Variants in DDR2 observed in about 807,000 individuals in gnomAD.
DDR2 encodes the protein discoidin domain-containing receptor 2.
Under a neutral mutation model 94.9 loss-of-function variants are expected in DDR2, and 27 were observed. That is an observed-to-expected ratio of 0.28 (90% confidence interval 0.21 to 0.39). The LOEUF (loss-of-function observed/expected upper bound fraction) is 0.39, where lower values mean the gene tolerates loss of function less well. Among genes scored for constraint, DDR2 ranks in the 10% least tolerant of loss-of-function variants. DDR2 has a pLI of 1.00. For missense variants in DDR2, 783 were observed against 1,076.0 expected (o/e 0.73, Z 3.81); for synonymous variants, 382 against 377.2 (o/e 1.01, Z -0.15).
chr1:162,723,867 G>A (rs1661532846), intron 3 of DDR2, among the ~76,000 whole-genome samples: 1 of 152,156 alleles, frequency 6.6e-6, no homozygotes, highest in Non-Finnish European at 1.5e-5. Flanking sequence ...TCCCCCTTTG[G>A]TATCCAGAAT....
intron 16 of DDR2, chr1:162,778,155 A>C (rs1342662641): frequency 6.9e-6 from 2 of 289,484 alleles, no homozygotes; most frequent in Admixed American, 9.6e-5. Context: ...TCTATCTTTC[A>C]ACACTGTGAT....
intron 3 of DDR2, among the ~76,000 whole-genome samples, chr1:162,743,085 A>G (rs1350926919): frequency 1.3e-5 from 2 of 152,156 alleles, no homozygotes; most frequent in Non-Finnish European, 2.9e-5. Flanking sequence ...TCCTGTGGGT[A>G]TATGGCCATG....
At chr1:162,695,695 T>A (rs2101984650) in intron 2 of DDR2, among the ~76,000 whole-genome samples, 1 of 152,344 alleles carries the variant, frequency 6.6e-6, no homozygotes, top group South Asian at 2.1e-4. Flanking sequence ...AAAATTATTT[T>A]AACAGGATTA....
At chr1:162,710,624 C>G (rs1274573480) in intron 2 of DDR2, among the ~76,000 whole-genome samples, 1 of 152,122 alleles carries the variant, frequency 6.6e-6, no homozygotes, top group Non-Finnish European at 1.5e-5. Flanking sequence ...GAAAATGACT[C>G]AGCAGAGAGG....
rs11320844 is a variant in DDR2 at position 162,644,602 on chromosome 1, CTT to C, written c.-191-10596_-191-10595del. Among the ~76,000 whole-genome samples, 616 of 140,340 alleles carry C rather than the reference CTT, an allele frequency of 4.4e-3. 4 individuals are homozygous for C. The highest frequency in any genetic ancestry group is 0.017 in the South Asian group (73 of 4,318). 92.1% of individuals were successfully genotyped at this position (140,340 alleles called of 152,430 possible). On this transcript the variant is annotated intron_variant, in intron 1 of 17. Coordinates refer to ENST00000367921, the MANE Select transcript of DDR2 (RefSeq NM_006182.4). ...AGATATCTAGATCCACATTATTTACCTTTTTTTTTTTTTTGAGACAGAGTCTC... is the reference window on the plus strand; with the variant it reads ...AGATATCTAGATCCACATTATTTACCTTTTTTTTTTTTGAGACAGAGTCTC...
intron 2 of DDR2, among the ~76,000 whole-genome samples, chr1:162,717,445 C>T (rs1392988385): frequency 2.6e-5 from 4 of 152,134 alleles, no homozygotes; most frequent in Non-Finnish European, 4.4e-5. Context: ...TAACATAGTA[C>T]ATTTGTCAAA....
intron 3 of DDR2, among the ~76,000 whole-genome samples, chr1:162,727,287 T>A (rs541874912): frequency 7.2e-6 from 1 of 139,514 alleles, no homozygotes; most frequent in African/African-American, 2.6e-5. Context: ...TATAAATATA[T>A]ATATAAAATA....
rs1660358516 is a variant in DDR2, at chr1:162,699,984, ATG to A, written c.-27-19052_-27-19051del. 9.2e-5 allele frequency among the ~76,000 whole-genome samples: 14 copies of A among 152,302 alleles called. 1 individual carries two copies. In the South Asian group the frequency reaches 2.9e-3, roughly 32 times the overall value. On this transcript the variant is annotated intron_variant, in intron 2 of 17. Coordinates refer to ENST00000367921, the MANE Select transcript of DDR2 (RefSeq NM_006182.4). ...CAATTTGTTAGGAAATGGATTTCCC[ATG>A]CATGCCCTAACTATAATCATAAGCA...
intron 2 of DDR2, among the ~76,000 whole-genome samples, chr1:162,658,767 T>C (rs567032809): frequency 3.3e-4 from 50 of 151,000 alleles, no homozygotes; most frequent in African/African-American, 1.1e-3. Context: ...GGTTGAGGCA[T>C]GGTAAGCCCT....
At chr1:162,646,851 T>C (rs989265493) in intron 1 of DDR2, among the ~76,000 whole-genome samples, 51 of 152,300 alleles carry the variant, frequency 3.3e-4, no homozygotes, top group African/African-American at 1.2e-3. Context: ...TAAAACAACC[T>C]CCCTCAGGTG....
At chr1:162,752,351 A>C (rs1029823574) in intron 3 of DDR2, among the ~76,000 whole-genome samples, 3 of 151,994 alleles carry the variant, frequency 2.0e-5, no homozygotes, top group South Asian at 2.1e-4. Flanking sequence ...TCCTGGACAC[A>C]CTCTCATGCC....
At chr1:162,715,943 A>G (rs1256615684) in intron 2 of DDR2, among the ~76,000 whole-genome samples, 1 of 152,198 alleles carries the variant, frequency 6.6e-6, no homozygotes, top group African/African-American at 2.4e-5. Context: ...TTCAAAAAGT[A>G]AATTAGTCAA....
Position 162,772,130 on chromosome 1 carries a change from A to C in DDR2, c.1611A>C (p.Thr537=). Residue 537 remains threonine, a synonymous_variant, in exon 13 of 18, where the codon ACA becomes ACC. Coordinates refer to ENST00000367921, the MANE Select transcript of DDR2 (RefSeq NM_006182.4). ...VNLQGVTGGN[T]YSVPAVTMDL... ...TCCAAGGAGTGACAGGAGGCAACACATACTCAGTGCCTGCCGTCACCATGG... is the reference window on the plus strand; with the variant it reads ...TCCAAGGAGTGACAGGAGGCAACACCTACTCAGTGCCTGCCGTCACCATGG... The C allele has an allele frequency of 1.2e-6, 2 of 1,614,188 alleles. No individual in the cohort carries two copies. The highest frequency in any genetic ancestry group is 1.7e-6 in the Non-Finnish European group (2 of 1,180,024).
intron 3 of DDR2, among the ~76,000 whole-genome samples, chr1:162,745,133 T>C (rs779608920): frequency 4.6e-5 from 7 of 152,250 alleles, no homozygotes; most frequent in Non-Finnish European, 1.0e-4. Context: ...CATTTGTATG[T>C]CTTCTTTGAA....
intron 9 of DDR2, 121 bp downstream of exon 9, chr1:162,761,575 T>C (rs987651280): frequency 2.0e-6 from 3 of 1,490,862 alleles, no homozygotes; most frequent in Non-Finnish European, 2.8e-6. Context: ...CAGCTTCTCA[T>C]TGACGGATAC....
chr1:162,772,293 G>A (rs752175331), intron 13 of DDR2, 46 bp downstream of exon 13: 6 of 1,586,740 alleles, frequency 3.8e-6, no homozygotes. Context: ...AAGGTGGTTG[G>A]ATAAAAATGA....
At chr1:162,759,695 A>G in intron 7 of DDR2, 101 bp from the exon 8 acceptor site, 1 of 1,372,342 alleles carries the variant, frequency 7.3e-7, no homozygotes, top group South Asian at 1.2e-5. Flanking sequence ...ATAAGCTCAT[A>G]CAAAATCTGG....
Position 162,781,185 on chromosome 1 carries a change from A to G in DDR2, c.*939A>G, listed in dbSNP as rs1319791580. ...GATGTTTTGATATCTTGATGTTTTG[A>G]TGGTAGACTCTTGAGTTCATCTTGT... On this transcript the variant is annotated 3_prime_UTR_variant, in exon 18 of 18. Transcript: ENST00000367921. 5 of 152,094 alleles carry G rather than the reference A, an allele frequency of 3.3e-5. No homozygotes were observed. The highest frequency in any genetic ancestry group is 5.9e-5 in the Non-Finnish European group (4 of 68,018). 9.4% of individuals were successfully genotyped at this position (152,094 alleles called of 1,614,324 possible).
intron 3 of DDR2, among the ~76,000 whole-genome samples, chr1:162,747,352 G>T (rs1236984494): frequency 6.6e-6 from 1 of 152,166 alleles, no homozygotes; most frequent in African/African-American, 2.4e-5. Flanking sequence ...GAAAACCATG[G>T]CACGAGAACT....
Sources: allele counts gnomAD v4.1 joint callset (sites outside exome capture counted in the v4.1 genomes callset), GRCh38; gene constraint gnomAD v4.1.1; transcripts MANE v1.5; gene names NCBI Gene and HGNC (gene_info 2026-07-23, HGNC 2026-07-21).